SYNE2: variants seen among roughly 807,000 people sequenced by gnomAD.
SYNE2 encodes the protein spectrin repeat containing nuclear envelope protein 2.
In SYNE2, 431 loss-of-function variants were observed where a neutral mutation model predicts 856.3. The ratio of observed to expected loss-of-function variants is 0.50; its 90% CI spans 0.47 to 0.55. The LOEUF is 0.55. Ranked by LOEUF, SYNE2 falls within the 20% of genes least tolerant of loss-of-function variation. The pLI is 0.00. For missense variants in SYNE2, 8,129 were observed against 8,023.2 expected, an observed-to-expected ratio of 1.01 and a Z score of -0.50; for synonymous variants, 2,923 against 2,872.3, an observed-to-expected ratio of 1.02 and a Z score of -0.56.
chr14:64,219,295 A>G lies in SYNE2; in HGVS notation c.19745A>G (p.Asp6582Gly), dbSNP rs745844411. ...CAAAATTTGCAACAGCTGAACTCTG[A>G]TATCAGCGCCATCACTACTTGGCTG... ...IKQNLQQLNS[D>G]ISAITTWLKK... The change falls in exon 110 of 116, where the codon GAT becomes GGT. Residue 6582 changes from aspartate (D) to glycine (G), a missense_variant. Physicochemically the swap from Asp to Gly is moderately conservative, Grantham distance 94. Coordinates refer to ENST00000555002, the MANE Select transcript of SYNE2 (RefSeq NM_182914.3). The G allele has an allele frequency of 7.4e-6, 12 of 1,613,970 alleles. No individual in the cohort carries two copies. Among genetic ancestry groups the G allele is most frequent in the East Asian group, 6.7e-5 (3 of 44,888 alleles).
chr14:63,993,907 G>A lies in SYNE2; in HGVS notation c.2719G>A (p.Val907Ile). 1 of 1,612,788 alleles carries A rather than the reference G, an allele frequency of 6.2e-7. No individual in the cohort carries two copies. Among genetic ancestry groups the A allele is most frequent in the Non-Finnish European group, 8.5e-7 (1 of 1,179,140 alleles). ...AGCTGTTGAAGAACTAAAAAATAAT[G>A]TAACTGAGGACATAAAGATGTCTTT... is the stretch of plus-strand genomic sequence containing the variant. Reference protein sequence around the residue: ...LKAVEELKNNVTEDIKMSLEE... With the variant: ...LKAVEELKNNITEDIKMSLEE... Residue 907 changes from valine to isoleucine, a missense_variant, in exon 22 of 116, where the codon GTA (valine) becomes ATA (isoleucine). Physicochemically the swap from Val to Ile is conservative, Grantham distance 29. Coordinates refer to ENST00000555002, the MANE Select transcript of SYNE2 (RefSeq NM_182914.3).
chr14:63,966,232 A>G (rs550318615), intron 10 of SYNE2, among the ~76,000 whole-genome samples: 1 of 152,110 alleles, frequency 6.6e-6, no homozygotes, highest in South Asian at 2.1e-4. Flanking sequence ...GTAGTTATCT[A>G]TGGCCAGTTG....
intron 1 of SYNE2, among the ~76,000 whole-genome samples, chr14:63,835,998 A>AAAG (rs201325032): frequency 2.7e-5 from 4 of 149,732 alleles, no homozygotes; most frequent in Non-Finnish European, 5.9e-5. Context: ...AAAAAAAAAA[A>AAAG]GGTGAAAATA....
rs746101090 is a variant in SYNE2 at position 64,030,025 on chromosome 14, A to G, written c.6845A>G (p.Gln2282Arg). ...AGTTTTTCTGATAAGCCTGTGGATC[A>G]AATAGCGGTTGAGGAAAAATTGCAG... ...FVSFSDKPVDQIAVEEKLQKL... is the reference protein window; with the variant it reads ...FVSFSDKPVDRIAVEEKLQKL... The change falls in exon 44 of 116, where the codon CAA becomes CGA. Residue 2282 changes from glutamine (Q) to arginine (R), a missense_variant. Gln to Arg is a conservative substitution (Grantham distance 43, BLOSUM62 1). Coordinates refer to ENST00000555002, the MANE Select transcript of SYNE2 (RefSeq NM_182914.3). The G allele has an allele frequency of 2.5e-6, 4 of 1,614,176 alleles. No homozygotes were observed. The highest frequency in any genetic ancestry group is 3.4e-6 in the Non-Finnish European group (4 of 1,180,014).
chr14:63,775,537 A>G (rs1595098549), intron 1 of SYNE2, among the ~76,000 whole-genome samples: 1 of 152,054 alleles, frequency 6.6e-6, no homozygotes, highest in Admixed American at 6.6e-5. Context: ...CGGCCTCCCA[A>G]AGTGTTGGGA....
chr14:63,957,642 G>A (rs1465374920), intron 8 of SYNE2, among the ~76,000 whole-genome samples: 2 of 151,944 alleles, frequency 1.3e-5, no homozygotes, highest in Non-Finnish European at 2.9e-5. Flanking sequence ...TCTGAGGCGG[G>A]CGGATCATGA....
chr14:63,798,412 A>C (rs1403838386), intron 1 of SYNE2, among the ~76,000 whole-genome samples: 1 of 123,520 alleles, frequency 8.1e-6, no homozygotes, highest in African/African-American at 3.1e-5. Flanking sequence ...TTTTTTTTTG[A>C]GACAGTATTT....
At chr14:63,969,659 G>A (rs1301392982) in intron 11 of SYNE2, among the ~76,000 whole-genome samples, 1 of 151,642 alleles carries the variant, frequency 6.6e-6, no homozygotes, top group African/African-American at 2.4e-5. Flanking sequence ...TTTTATGGCT[G>A]AATAGTACTC....
chr14:64,153,013 A>G (rs1029627610), intron 85 of SYNE2, among the ~76,000 whole-genome samples: 1 of 152,158 alleles, frequency 6.6e-6, no homozygotes, highest in African/African-American at 2.4e-5. Context: ...AACCCAACAG[A>G]GTATCTGGCA....
intron 1 of SYNE2, among the ~76,000 whole-genome samples, chr14:63,800,028 T>A (rs1220572825): frequency 6.6e-6 from 1 of 152,270 alleles, no homozygotes; most frequent in South Asian, 2.1e-4. Context: ...AGAATGACAC[T>A]TTTAAAATAA....
intron 74 of SYNE2, among the ~76,000 whole-genome samples, 198 bp downstream of exon 74, chr14:64,128,751 G>C (rs938794948): frequency 6.6e-6 from 1 of 152,106 alleles, no homozygotes; most frequent in South Asian, 2.1e-4. Flanking sequence ...ACAAAAGGAG[G>C]CCATTTTCAC....
At chr14:64,009,912 G>GA in intron 31 of SYNE2, 54 bp from the exon 32 acceptor site, 1 of 1,508,238 alleles carries the variant, frequency 6.6e-7, no homozygotes, top group East Asian at 2.3e-5. Flanking sequence ...CAAAGAGAAA[G>GA]AACGGTTTTG....
At chr14:64,047,530 A>C (rs1425951639) in intron 45 of SYNE2, among the ~76,000 whole-genome samples, 6 of 152,164 alleles carry the variant, frequency 3.9e-5, no homozygotes, top group Non-Finnish European at 7.4e-5. Flanking sequence ...GTGGGGTTTC[A>C]CTGGGGGCTT....
At chr14:64,039,576 A>C (rs1019166276) in intron 45 of SYNE2, among the ~76,000 whole-genome samples, 1 of 152,244 alleles carries the variant, frequency 6.6e-6, no homozygotes, top group African/African-American at 2.4e-5. Context: ...ATTTTAAAAA[A>C]AGAGTAGACG....
rs193022882 is a variant in SYNE2, at chr14:64,200,556, T to C, written c.18039-2245T>C. ...TGAGGAGGGTGTACCTCTGAAGCCA[T>C]AGGAATGAAGGCAGGATCTAGGTTA... On this transcript the variant is annotated intron_variant, in intron 99 of 115. Transcript: ENST00000555002. Among the ~76,000 whole-genome samples, 953 of 152,348 alleles carry C rather than the reference T, an allele frequency of 6.3e-3. 7 individuals carry two copies. The highest frequency in any genetic ancestry group is 8.8e-3 in the Non-Finnish European group (598 of 68,030).
intron 107 of SYNE2, chr14:64,215,563 C>A: frequency 1.6e-6 from 1 of 631,484 alleles, no homozygotes; most frequent in Non-Finnish European, 2.8e-6. Flanking sequence ...GTCTCGATGC[C>A]AACCCCCTCT....
At position 64,107,543 on chromosome 14, in the gene SYNE2, C is replaced by A; in HGVS notation, c.12545C>A (p.Thr4182Lys). 1.9e-6 allele frequency: 3 copies of A among 1,614,174 alleles called. No individual in the cohort carries two copies. Among genetic ancestry groups the A allele is most frequent in the Non-Finnish European group, 2.5e-6 (3 of 1,180,024 alleles). Residue 4182 changes from threonine to lysine, a missense_variant, in exon 65 of 116, where the codon ACA becomes AAA. This residue lies in a region of SYNE2 where 5,410 missense variants were observed against 5,284.8 expected (regional missense o/e 1.02). Coordinates refer to ENST00000555002, the MANE Select transcript of SYNE2 (RefSeq NM_182914.3). ...TSDNSMAQILTPDSLNTEQGP... is the reference protein window; with the variant it reads ...TSDNSMAQILKPDSLNTEQGP... ...GATAATTCCATGGCACAAATCCTCA[C>A]ACCAGACTCACTAAACACTGAGCAA...
Position 64,212,842 on chromosome 14 carries a change from A to G in SYNE2, c.18893A>G (p.Asn6298Ser). 5.0e-6 allele frequency: 8 copies of G among 1,614,194 alleles called. No individual in the cohort carries two copies. Among genetic ancestry groups the G allele is most frequent in the Non-Finnish European group, 6.8e-6 (8 of 1,180,044 alleles). Residue 6298 changes from asparagine (N) to serine (S), a missense_variant, in exon 105 of 116, where the codon AAC becomes AGC. Asn to Ser is a conservative substitution (Grantham distance 46). This residue lies in a region of SYNE2 where 5,410 missense variants were observed against 5,284.8 expected (regional missense o/e 1.02). Transcript: ENST00000555002. ...GFQQEITLNTNKIDQLIVFGE... is the reference protein window; with the variant it reads ...GFQQEITLNTSKIDQLIVFGE... ...CAACAGGAAATTACATTAAATACCA[A>G]CAAGATTGATCAGCTCATTGTGTTT...
intron 70 of SYNE2, among the ~76,000 whole-genome samples, chr14:64,124,223 C>A (rs1029872460): frequency 6.6e-6 from 1 of 151,852 alleles, no homozygotes; most frequent in African/African-American, 2.4e-5. Flanking sequence ...GAGACGGGTT[C>A]TCGCTGTTAC....
Sources: allele counts gnomAD v4.1 joint callset (sites outside exome capture counted in the v4.1 genomes callset), GRCh38; gene constraint gnomAD v4.1.1; regional missense constraint gnomAD v4.1.1; transcripts MANE v1.5; gene names NCBI Gene and HGNC (gene_info 2026-07-23, HGNC 2026-07-21).